NRXN3: variants seen among roughly 807,000 people sequenced by gnomAD.
The protein encoded by NRXN3 is neurexin 3.
NRXN3 carries 32 observed loss-of-function variants against 137.6 expected under a neutral mutation model. The ratio of observed to expected loss-of-function variants is 0.23; its 90% CI spans 0.18 to 0.31. The LOEUF is 0.31. Ranked by LOEUF, NRXN3 falls within the 10% of genes least tolerant of loss-of-function variation. The probability of loss-of-function intolerance (pLI) is 1.00; values close to 1 mark genes in which losing one functional copy is unlikely to be tolerated. For synonymous variants in NRXN3, 798 were observed against 784.5 expected, an observed-to-expected ratio of 1.02 and a Z score of -0.29; for missense variants, 1,574 against 2,062.5, an observed-to-expected ratio of 0.76 and a Z score of 4.59.
chr14:78,318,903 A>G (rs1336187566), intron 4 of NRXN3, among the ~76,000 whole-genome samples: 1 of 152,232 alleles, frequency 6.6e-6, no homozygotes, highest in Non-Finnish European at 1.5e-5. Context: ...TGTGTCTCAC[A>G]ATCTAATGTG....
rs138452603 is a variant in NRXN3, at chr14:78,548,294, C to T, written c.758-96826C>T. The stretch of plus-strand genomic sequence containing the variant: ...ATATAATATCAATCACTTCTTTATT[C>T]TATCAATAATTAACCATTTTTAGTT... On this transcript the variant is annotated intron_variant, in intron 4 of 20. Coordinates refer to ENST00000335750, the MANE Select transcript of NRXN3 (RefSeq NM_001330195.2). 1.8e-4 allele frequency among the ~76,000 whole-genome samples: 28 copies of T among 152,272 alleles called. No homozygotes were observed. The East Asian group carries it at 5.4e-3, about 29-fold the overall frequency.
intron 15 of NRXN3, among the ~76,000 whole-genome samples, chr14:79,223,604 A>G (rs904101424): frequency 3.1e-4 from 47 of 152,134 alleles, no homozygotes; most frequent in Non-Finnish European, 4.1e-4. Context: ...GTTTACTCAA[A>G]TGAATGTGGT....
At chr14:78,311,894 G>A (rs1274473870) in intron 4 of NRXN3, among the ~76,000 whole-genome samples, 2 of 152,130 alleles carry the variant, frequency 1.3e-5, no homozygotes, top group African/African-American at 2.4e-5. Flanking sequence ...AGAGCTCAAA[G>A]GAGACTTAGA....
chr14:79,461,170 T>C (rs2096333703), intron 15 of NRXN3, among the ~76,000 whole-genome samples: 1 of 152,200 alleles, frequency 6.6e-6, no homozygotes, highest in Non-Finnish European at 1.5e-5. Flanking sequence ...GGGATGTTTT[T>C]AGGGAGTCTT....
At chr14:79,636,810 G>A (rs2098406141) in intron 16 of NRXN3, among the ~76,000 whole-genome samples, 1 of 152,166 alleles carries the variant, frequency 6.6e-6, no homozygotes, top group South Asian at 2.1e-4. Flanking sequence ...CAAGGTCTAG[G>A]CTCCTCTGCC....
At position 79,263,825 on chromosome 14, in the gene NRXN3, G is replaced by A. The variant is rs72688965; in HGVS notation, c.3263-203396G>A. Among the ~76,000 whole-genome samples, 835 of 141,488 alleles carry A rather than the reference G, an allele frequency of 5.9e-3. 3 individuals are homozygous for A. The highest frequency in any genetic ancestry group is 8.0e-3 in the Non-Finnish European group (537 of 67,416). 92.8% of individuals were successfully genotyped at this position (141,488 alleles called of 152,430 possible). A position where few individuals can be genotyped will look rare whatever the true frequency, so the allele number is the denominator to read the frequency against. On this transcript the variant is annotated intron_variant, in intron 15 of 20. Transcript: ENST00000335750. ...TAGATATTATGTACTACACAACTCC[G>A]GGGGCACAATTCACAGACTGTGGTG... is the stretch of plus-strand genomic sequence containing the variant.
At chr14:79,481,799 G>C (rs182181820) in intron 16 of NRXN3, among the ~76,000 whole-genome samples, 1 of 152,184 alleles carries the variant, frequency 6.6e-6, no homozygotes, top group African/African-American at 2.4e-5. Flanking sequence ...AAGACAGCTC[G>C]GCAGGTAGGG....
intron 20 of NRXN3, among the ~76,000 whole-genome samples, chr14:79,821,841 T>G (rs553752356): frequency 9.2e-5 from 14 of 152,244 alleles, no homozygotes; most frequent in Non-Finnish European, 1.5e-4. Context: ...ACCTAGTCTT[T>G]ATTGGAGTTG....
At chr14:79,808,874 C>G (rs1187456521) in intron 20 of NRXN3, among the ~76,000 whole-genome samples, 1 of 152,128 alleles carries the variant, frequency 6.6e-6, no homozygotes, top group East Asian at 1.9e-4. Context: ...GCCTTTCACT[C>G]TCAGAACTTA....
chr14:78,977,002 A>G (rs759767034), intron 14 of NRXN3, among the ~76,000 whole-genome samples: 17 of 152,320 alleles, frequency 1.1e-4, no homozygotes, highest in Admixed American at 2.6e-4. Context: ...AGGTGACTTT[A>G]TAGGTCTTGC....
At chr14:78,259,482 A>C (rs954515852) in intron 2 of NRXN3, among the ~76,000 whole-genome samples, 1 of 152,042 alleles carries the variant, frequency 6.6e-6, no homozygotes, top group African/African-American at 2.4e-5. Flanking sequence ...CTCCCCTCAA[A>C]GCCATATACC....
At chr14:79,290,602 G>C (rs2083007480) in intron 15 of NRXN3, among the ~76,000 whole-genome samples, 1 of 150,990 alleles carries the variant, frequency 6.6e-6, no homozygotes, top group African/African-American at 2.4e-5. Context: ...CATATTCATG[G>C]ATGTGGTAGC....
At chr14:78,739,274 T>C (rs1169510161) in intron 8 of NRXN3, among the ~76,000 whole-genome samples, 1 of 152,264 alleles carries the variant, frequency 6.6e-6, no homozygotes, top group Non-Finnish European at 1.5e-5. Context: ...ACAATGCCGC[T>C]ATGGAATATA....
intron 15 of NRXN3, among the ~76,000 whole-genome samples, chr14:79,437,847 A>T (rs994996573): frequency 6.6e-6 from 1 of 152,240 alleles, no homozygotes; most frequent in African/African-American, 2.4e-5. Context: ...TCTTTGAGTC[A>T]TGCTGTCCTC....
At position 78,862,479 on chromosome 14, in the gene NRXN3, G is replaced by T. The variant is rs968525901; in HGVS notation, c.2275+52135G>T. ...CAGGATATCCCTATAAGATTTTTTAGGATTACAGAACTTGGATAAATGGTA... is the reference window on the plus strand; with the variant it reads ...CAGGATATCCCTATAAGATTTTTTATGATTACAGAACTTGGATAAATGGTA... On this transcript the variant is annotated intron_variant, in intron 10 of 20. Transcript: ENST00000335750. Among the ~76,000 whole-genome samples the T allele has an allele frequency of 6.6e-5, 10 of 152,080 alleles. No homozygotes were observed. The East Asian group carries it at 1.9e-3, about 29-fold the overall frequency.
Position 79,627,147 on chromosome 14 carries a change from T to A in NRXN3, c.3445-36631T>A, listed in dbSNP as rs1245985763. On this transcript the variant is annotated intron_variant, in intron 16 of 20. Coordinates refer to ENST00000335750, the MANE Select transcript of NRXN3 (RefSeq NM_001330195.2). ...GACTTTCTATAGCTTTTTCTTGAGA[T>A]GAATTTGTGGACCAGTTGAATAGTG... 2.0e-5 allele frequency among the ~76,000 whole-genome samples: 3 copies of A among 152,308 alleles called. No homozygotes were observed. The East Asian group carries it at 5.8e-4, about 29-fold the overall frequency.
chr14:78,877,202 C>T (rs1309394262), intron 10 of NRXN3, among the ~76,000 whole-genome samples: 1 of 152,166 alleles, frequency 6.6e-6, no homozygotes, highest in Non-Finnish European at 1.5e-5. Context: ...AGTTAATCTT[C>T]TCTAAAATTG....
intron 4 of NRXN3, among the ~76,000 whole-genome samples, chr14:78,324,119 C>A (rs1216946193): frequency 6.6e-6 from 1 of 152,050 alleles, no homozygotes; most frequent in African/African-American, 2.4e-5. Flanking sequence ...GGGATTGGAA[C>A]CCAGGCCTGA....
At chr14:79,708,935 G>A (rs1307134264) in intron 19 of NRXN3, among the ~76,000 whole-genome samples, 3 of 152,076 alleles carry the variant, frequency 2.0e-5, no homozygotes, top group Non-Finnish European at 4.4e-5. Context: ...TGTGTATAAT[G>A]CAACCTCTTA....
Sources: gnomAD v4.1 joint callset for allele counts (sites outside exome capture counted in the v4.1 genomes callset) on GRCh38, gnomAD v4.1.1 for gene constraint, MANE v1.5 for transcripts, NCBI Gene and HGNC (gene_info 2026-07-23, HGNC 2026-07-21) for gene names.